The following DPP6 variants were observed in gnomAD, a reference collection of about 807,000 sequenced individuals.
DPP6 encodes A-type potassium channel modulatory protein DPP6.
Under a neutral mutation model 122.6 loss-of-function variants are expected in DPP6, and 69 were observed. The ratio of observed to expected loss-of-function variants is 0.56; its 90% CI spans 0.46 to 0.69. DPP6 has a LOEUF of 0.69. Ranked by LOEUF, DPP6 falls within the 30% of genes least tolerant of loss-of-function variation. The probability of loss-of-function intolerance (pLI) is 0.00; values close to 1 mark genes in which losing one functional copy is unlikely to be tolerated. For synonymous variants in DPP6, 418 were observed against 433.1 expected (o/e 0.97, Z 0.43); for missense variants, 928 against 1,116.9 (o/e 0.83, Z 2.41).
intron 2 of DPP6, among the ~76,000 whole-genome samples, chr7:154,447,179 G>A (rs1228567662): frequency 6.6e-6 from 1 of 152,082 alleles, no homozygotes; most frequent in Non-Finnish European, 1.5e-5. Flanking sequence ...GGTGGCAAGT[G>A]CCTGTAATCC....
At chr7:153,924,714 C>T (rs1358748370) in intron 1 of DPP6, among the ~76,000 whole-genome samples, 1 of 152,146 alleles carries the variant, frequency 6.6e-6, no homozygotes, top group Non-Finnish European at 1.5e-5. Context: ...TGTTGTTGAT[C>T]TGAGTCATTG....
intron 5 of DPP6, among the ~76,000 whole-genome samples, chr7:154,575,923 T>C (rs2130629170): frequency 6.6e-6 from 1 of 152,140 alleles, no homozygotes; most frequent in East Asian, 1.9e-4. Flanking sequence ...TTCTTTCGTG[T>C]ATAGCTTTTG....
At chr7:154,074,769 C>A (rs1803435820) in intron 1 of DPP6, among the ~76,000 whole-genome samples, 1 of 151,922 alleles carries the variant, frequency 6.6e-6, no homozygotes, top group African/African-American at 2.4e-5. Context: ...AGGATAAAGA[C>A]CCCGCTGAGA....
At chr7:154,171,025 G>T (rs1797510406) in intron 1 of DPP6, among the ~76,000 whole-genome samples, 1 of 152,152 alleles carries the variant, frequency 6.6e-6, no homozygotes, top group Admixed American at 6.5e-5. Flanking sequence ...GCTCGCTGGT[G>T]CATGCTTAGA....
intron 1 of DPP6, among the ~76,000 whole-genome samples, chr7:154,127,638 C>CACACAG (rs1808012875): frequency 2.3e-4 from 25 of 109,158 alleles, no homozygotes; most frequent in African/African-American, 1.0e-3. Flanking sequence ...CACACAGACA[C>CACACAG]ACACACACAC....
chr7:153,980,221 G>A (rs996098287), intron 1 of DPP6, among the ~76,000 whole-genome samples: 9 of 152,056 alleles, frequency 5.9e-5, no homozygotes, highest in African/African-American at 1.4e-4. Flanking sequence ...ATCAATTTCC[G>A]AACTTGTTAT....
At chr7:154,525,266 C>T (rs902579759) in intron 3 of DPP6, among the ~76,000 whole-genome samples, 2 of 152,200 alleles carry the variant, frequency 1.3e-5, no homozygotes, top group African/African-American at 4.8e-5. Flanking sequence ...ACTTCAGCCT[C>T]TTGAGTATCT....
intron 1 of DPP6, among the ~76,000 whole-genome samples, chr7:154,179,364 G>A (rs1007631379): frequency 6.6e-6 from 1 of 152,212 alleles, no homozygotes; most frequent in African/African-American, 2.4e-5. Flanking sequence ...AGTGAATGGA[G>A]ACTGAAGGGT....
chr7:154,357,544 G>A (rs1250491799), intron 1 of DPP6, among the ~76,000 whole-genome samples: 1 of 152,156 alleles, frequency 6.6e-6, no homozygotes, highest in Non-Finnish European at 1.5e-5. Context: ...CAGGCTCGAG[G>A]CAACTCATAG....
intron 1 of DPP6, among the ~76,000 whole-genome samples, chr7:154,118,574 T>G (rs1807171991): frequency 6.7e-6 from 1 of 150,318 alleles, no homozygotes; most frequent in Non-Finnish European, 1.5e-5. Context: ...CATGAACCCC[T>G]GCCCTGAATG....
chr7:154,020,293 G>A, intron 1 of DPP6, among the ~76,000 whole-genome samples: 1 of 151,440 alleles, frequency 6.6e-6, no homozygotes. Flanking sequence ...TGTGGGATGT[G>A]GTGCAGGGTG....
chr7:154,269,603 A>G (rs980091601), intron 1 of DPP6, among the ~76,000 whole-genome samples: 3 of 152,122 alleles, frequency 2.0e-5, no homozygotes, highest in Non-Finnish European at 2.9e-5. Flanking sequence ...GCTATTACCT[A>G]TCCTCCTGAT....
chr7:154,606,280 G>A (rs2130788143), intron 5 of DPP6, among the ~76,000 whole-genome samples: 1 of 120,396 alleles, frequency 8.3e-6, no homozygotes, highest in Non-Finnish European at 1.9e-5. Context: ...TATGTATTAT[G>A]AGGCCATGTT....
intron 1 of DPP6, among the ~76,000 whole-genome samples, chr7:154,083,047 C>T (rs987107028): frequency 5.9e-5 from 9 of 151,970 alleles, no homozygotes; most frequent in Non-Finnish European, 8.8e-5. Context: ...GACGGGGTTT[C>T]GCTGTGTTAG....
intron 3 of DPP6, among the ~76,000 whole-genome samples, chr7:154,535,941 G>A (rs1208691241): frequency 1.3e-5 from 2 of 152,122 alleles, no homozygotes; most frequent in Non-Finnish European, 2.9e-5. Context: ...AAATGGTATA[G>A]CTACTTTGGA....
chr7:154,688,567 C>T (rs1324672089), intron 7 of DPP6, among the ~76,000 whole-genome samples: 2 of 152,096 alleles, frequency 1.3e-5, no homozygotes, highest in Non-Finnish European at 2.9e-5. Context: ...CACAAGGTCC[C>T]ATAATAGGCT....
intron 1 of DPP6, among the ~76,000 whole-genome samples, chr7:154,080,798 T>G (rs1459704359): frequency 2.6e-5 from 4 of 152,186 alleles, no homozygotes; most frequent in Non-Finnish European, 5.9e-5. Flanking sequence ...TGGATGAAGC[T>G]AACTGGCTGG....
At chr7:153,906,397 A>G (rs1237389378) in intron 1 of DPP6, among the ~76,000 whole-genome samples, 1 of 152,102 alleles carries the variant, frequency 6.6e-6, no homozygotes, top group African/African-American at 2.4e-5. Context: ...TGCACTCTAT[A>G]CGTTGCTGTG....
intron 1 of DPP6, among the ~76,000 whole-genome samples, chr7:154,285,829 C>T (rs981063412): frequency 7.2e-5 from 11 of 152,106 alleles, no homozygotes; most frequent in African/African-American, 1.9e-4. Flanking sequence ...GTTTCGAATA[C>T]GGGAAAGACA....
Sources: gnomAD v4.1 joint callset for allele counts (sites outside exome capture counted in the v4.1 genomes callset) on GRCh38, gnomAD v4.1.1 for gene constraint, MANE v1.5 for transcripts, NCBI Gene and HGNC (gene_info 2026-07-23, HGNC 2026-07-21) for gene names.